Variants in NLRC5 observed in about 807,000 individuals in gnomAD.
NLRC5 encodes protein NLRC5.
A neutral mutation model predicts 206.9 loss-of-function variants in NLRC5; 114 were observed. That is an observed-to-expected ratio of 0.55 (90% CI 0.47 to 0.64). The LOEUF (loss-of-function observed/expected upper bound fraction) is 0.64. Ranked by LOEUF, NLRC5 falls within the 30% of genes least tolerant of loss-of-function variation. NLRC5 has a pLI of 0.00. For missense variants in NLRC5, 2,008 were observed against 2,305.5 expected, an observed-to-expected ratio of 0.87 and a Z score of 2.64; for synonymous variants, 952 against 962.8, an observed-to-expected ratio of 0.99 and a Z score of 0.21.
intron 17 of NLRC5, 77 bp from the exon 18 acceptor site, chr16:57,041,408 T>A: frequency 8.2e-7 from 1 of 1,221,832 alleles, no homozygotes; most frequent in Admixed American, 1.8e-5. Flanking sequence ...TGCCTCTGTG[T>A]CTGGGGGGTG....
At chr16:57,030,403 G>GATGA (rs2061684309) in intron 10 of NLRC5, among the ~76,000 whole-genome samples, 2 of 140,668 alleles carry the variant, frequency 1.4e-5, no homozygotes, top group African/African-American at 2.6e-5. Flanking sequence ...TGGATGGATG[G>GATGA]ATGGATGGCT....
intron 1 of NLRC5, chr16:56,992,482 T>TA (rs2057025587): frequency 1.3e-5 from 2 of 150,476 alleles, no homozygotes. Context: ...TTATTTTATT[T>TA]TTTTTTTTTA....
chr16:57,046,669 G>T (rs762864347), intron 22 of NLRC5, 28 bp downstream of exon 22: 2 of 1,597,438 alleles, frequency 1.3e-6, no homozygotes, highest in South Asian at 2.2e-5. Flanking sequence ...CTTGTTTGGG[G>T]GTAACCATAA....
chr16:57,063,718 C>T (rs1284168109), intron 32 of NLRC5, among the ~76,000 whole-genome samples: 1 of 151,626 alleles, frequency 6.6e-6, no homozygotes, highest in African/African-American at 2.4e-5. Context: ...GGTTATATAT[C>T]CAGAATTGCT....
intron 15 of NLRC5, among the ~76,000 whole-genome samples, chr16:57,039,442 C>T (rs1308729015): frequency 1.3e-5 from 2 of 152,208 alleles, no homozygotes; most frequent in Admixed American, 6.5e-5. Flanking sequence ...AGTGACAGGC[C>T]GGGCACGGTG....
At chr16:57,028,277 C>T in intron 7 of NLRC5, 25 bp from the exon 8 acceptor site, 2 of 1,609,514 alleles carry the variant, frequency 1.2e-6, no homozygotes, top group South Asian at 2.2e-5. Flanking sequence ...CTCGTTCCTC[C>T]CCACCATCTT....
At chr16:57,059,728 G>A (rs1050728660) in intron 30 of NLRC5, among the ~76,000 whole-genome samples, 196 bp downstream of exon 30, 1 of 152,152 alleles carries the variant, frequency 6.6e-6, no homozygotes, top group African/African-American at 2.4e-5. Flanking sequence ...CCTTGGCATT[G>A]AACTTGTGCC....
At chr16:57,072,586 A>G (rs764287276) in intron 38 of NLRC5, among the ~76,000 whole-genome samples, 2 of 152,354 alleles carry the variant, frequency 1.3e-5, no homozygotes, top group Non-Finnish European at 2.9e-5. Flanking sequence ...TAGAAATGCC[A>G]GAAACAGCCT....
intron 38 of NLRC5, among the ~76,000 whole-genome samples, chr16:57,072,557 T>C (rs574511214): frequency 6.6e-6 from 1 of 152,306 alleles, no homozygotes; most frequent in South Asian, 2.1e-4. Flanking sequence ...TCCCCCATAA[T>C]TTGAAGTCAT....
intron 30 of NLRC5, 96 bp from the exon 31 acceptor site, chr16:57,061,352 A>C: frequency 8.2e-7 from 1 of 1,221,126 alleles, no homozygotes. Context: ...CAGAGGTGGG[A>C]TGCTCCCCCA....
chr16:57,018,643 G>C (rs1317820660), intron 2 of NLRC5, among the ~76,000 whole-genome samples: 2 of 152,182 alleles, frequency 1.3e-5, no homozygotes, highest in Non-Finnish European at 2.9e-5. Flanking sequence ...CAGCCTCTGG[G>C]AATTGGGAAG....
intron 30 of NLRC5, 152 bp from the exon 31 acceptor site, chr16:57,061,296 G>T: frequency 1.5e-6 from 1 of 648,120 alleles, no homozygotes; most frequent in Non-Finnish European, 2.7e-6. Flanking sequence ...CCCAGAGCAG[G>T]AGCTGCATAT....
chr16:57,081,932 G>A (rs2069198517), intron 48 of NLRC5, among the ~76,000 whole-genome samples: 2 of 152,220 alleles, frequency 1.3e-5, no homozygotes, highest in African/African-American at 4.8e-5. Flanking sequence ...CCAATGCCTG[G>A]CACATAGTAA....
At chr16:57,051,958 C>T (rs1205570330) in intron 24 of NLRC5, among the ~76,000 whole-genome samples, 1 of 152,096 alleles carries the variant, frequency 6.6e-6, no homozygotes, top group East Asian at 1.9e-4. Context: ...TCTAAAATCA[C>T]CTTAAGAAAT....
Position 57,026,707 on chromosome 16 carries a change from G to T in NLRC5, c.1764G>T (p.Val588=). The change falls in exon 6 of 49, where the codon GTG becomes GTT. Residue 588 remains valine (V), a synonymous_variant. Coordinates refer to ENST00000688547, the MANE Select transcript of NLRC5 (RefSeq NM_001384950.1). ...TGGCGCAGGGCAATGAGGACTGTGT[G>T]GGTGCCAAGCAGGCTGCTGTAGTGC... ...SHLAQGNEDC[V]GAKQAAVVQV... 1 of 1,614,066 alleles carries T rather than the reference G, an allele frequency of 6.2e-7. No homozygotes were observed. The highest frequency in any genetic ancestry group is 1.7e-5 in the Admixed American group (1 of 60,028).
At chr16:57,029,933 G>A in intron 9 of NLRC5, 62 bp from the exon 10 acceptor site, 1 of 1,609,210 alleles carries the variant, frequency 6.2e-7, no homozygotes, top group Middle Eastern at 1.7e-4. Flanking sequence ...GCAAGGCAAG[G>A]AAGGTCTGGG....
At chr16:57,082,354 C>A in intron 48 of NLRC5, 63 bp from the exon 49 acceptor site, 1 of 1,334,962 alleles carries the variant, frequency 7.5e-7, no homozygotes, top group Non-Finnish European at 1.1e-6. Context: ...GCCTCCCAAT[C>A]TGCAGATACG....
At chr16:57,002,970 G>A (rs919281617) in intron 1 of NLRC5, among the ~76,000 whole-genome samples, 2 of 151,782 alleles carry the variant, frequency 1.3e-5, no homozygotes, top group African/African-American at 2.4e-5. Flanking sequence ...AGGTACCTCC[G>A]AACTGTCCTG....
Position 57,055,488 on chromosome 16 carries a change from C to G in NLRC5, c.3715C>G (p.Leu1239Val), listed in dbSNP as rs776604442. The G allele has an allele frequency of 2.5e-6, 4 of 1,613,820 alleles. No individual in the cohort carries two copies. Among genetic ancestry groups the G allele is most frequent in the Non-Finnish European group, 3.4e-6 (4 of 1,179,862 alleles). The change falls in exon 27 of 49, where the codon CTG (leucine) becomes GTG (valine). Residue 1239 changes from leucine to valine, a missense_variant. Physicochemically the swap from Leu to Val is conservative, Grantham distance 32. Coordinates refer to ENST00000688547, the MANE Select transcript of NLRC5 (RefSeq NM_001384950.1). ...QEHVESLCWL[L>V]SKCKDLSQVD... is the part of the protein sequence containing the mutation. The stretch of plus-strand genomic sequence containing the variant: ...GCACGTAGAGTCACTCTGCTGGTTG[C>G]TGAGCAAGTGTAAAGACCTCAGCCA...
Sources: allele counts gnomAD v4.1 joint callset (sites outside exome capture counted in the v4.1 genomes callset), GRCh38; gene constraint gnomAD v4.1.1; transcripts MANE v1.5; gene names NCBI Gene and HGNC (gene_info 2026-07-23, HGNC 2026-07-21).